RPTOR: variants seen among roughly 807,000 people sequenced by gnomAD.
RPTOR encodes the protein regulatory-associated protein of mTOR.
A neutral mutation model predicts 169.9 loss-of-function variants in RPTOR; 21 were observed. That is an observed-to-expected ratio of 0.12 (90% CI 0.09 to 0.18). The LOEUF is 0.18. Among genes scored for constraint, RPTOR ranks in the 10% least tolerant of loss-of-function variants. The pLI is 1.00. For missense variants in RPTOR, 1,133 were observed against 1,855.9 expected (o/e 0.61, Z 7.16); for synonymous variants, 732 against 753.2 (o/e 0.97, Z 0.46).
chr17:80,901,607 T>C (rs766754676), intron 20 of RPTOR, among the ~76,000 whole-genome samples: 14 of 152,190 alleles, frequency 9.2e-5, no homozygotes, highest in Non-Finnish European at 1.6e-4. Context: ...CAGAATCCCA[T>C]TGTGCACAGC....
intron 3 of RPTOR, among the ~76,000 whole-genome samples, chr17:80,705,051 C>T (rs139719463): frequency 9.4e-4 from 143 of 152,372 alleles, no homozygotes; most frequent in African/African-American, 3.2e-3. Flanking sequence ...TCCCAGGCCA[C>T]GCATCGACAC....
intron 6 of RPTOR, among the ~76,000 whole-genome samples, chr17:80,765,687 C>G (rs1215572334): frequency 6.6e-6 from 1 of 152,178 alleles, no homozygotes; most frequent in African/African-American, 2.4e-5. Flanking sequence ...TCCTGCCCAG[C>G]GTCTCTCATT....
chr17:80,711,292 A>G (rs1009194524), intron 4 of RPTOR, among the ~76,000 whole-genome samples: 1 of 152,068 alleles, frequency 6.6e-6, no homozygotes, highest in Non-Finnish European at 1.5e-5. Flanking sequence ...AGCTTTTACC[A>G]TTGTTGACCC....
chr17:80,833,896 G>A (rs1418186466), intron 9 of RPTOR, among the ~76,000 whole-genome samples: 1 of 152,210 alleles, frequency 6.6e-6, no homozygotes, highest in African/African-American at 2.4e-5. Context: ...GACCGAGGCA[G>A]GAGAATCACT....
chr17:80,641,579 A>G (rs972009920), intron 2 of RPTOR, among the ~76,000 whole-genome samples: 4 of 152,372 alleles, frequency 2.6e-5, no homozygotes, highest in Middle Eastern at 3.4e-3. Flanking sequence ...AGACGACTGC[A>G]ATAAGTGAGC....
chr17:80,872,815 G>T (rs1401514140), intron 13 of RPTOR, among the ~76,000 whole-genome samples: 3 of 152,194 alleles, frequency 2.0e-5, no homozygotes, highest in Admixed American at 1.3e-4. Flanking sequence ...GAGGTAGCAC[G>T]GCAGGCTGTG....
chr17:80,917,965 C>T (rs992580109), intron 21 of RPTOR, among the ~76,000 whole-genome samples: 3 of 152,204 alleles, frequency 2.0e-5, no homozygotes, highest in South Asian at 2.1e-4. Flanking sequence ...CCTCAGCAAG[C>T]GTTCACCTCA....
At chr17:80,655,963 A>T (rs921966401) in intron 3 of RPTOR, among the ~76,000 whole-genome samples, 2 of 152,072 alleles carry the variant, frequency 1.3e-5, no homozygotes, top group Non-Finnish European at 2.9e-5. Flanking sequence ...TGAACACGGA[A>T]GGGAGACATC....
chr17:80,611,453 G>C (rs1187843409), intron 1 of RPTOR, among the ~76,000 whole-genome samples: 1 of 152,086 alleles, frequency 6.6e-6, no homozygotes, highest in Non-Finnish European at 1.5e-5. Flanking sequence ...TTCTAGTAGA[G>C]AGGGGGTTTC....
Position 80,839,970 on chromosome 17 carries a change from A to G in RPTOR, c.1212+1973A>G, listed in dbSNP as rs149369417. Among the ~76,000 whole-genome samples the G allele has an allele frequency of 4.0e-3, 605 of 152,340 alleles. 3 individuals carry two copies. Among genetic ancestry groups the G allele is most frequent in the South Asian group, 0.015 (74 of 4,824 alleles). On this transcript the variant is annotated intron_variant, in intron 10 of 33. Transcript: ENST00000306801. ...TTCACCATGTTGGGGTGTCAGGACA[A>G]GCCGGGGATAACTGACGTGGACCAC...
chr17:80,732,287 C>T (rs1455839989), intron 5 of RPTOR, among the ~76,000 whole-genome samples: 2 of 152,190 alleles, frequency 1.3e-5, no homozygotes, highest in Non-Finnish European at 1.5e-5. Context: ...ACATCAGCCT[C>T]AGTTAATTAA....
chr17:80,847,927 G>A (rs1274190894), intron 11 of RPTOR, among the ~76,000 whole-genome samples: 1 of 152,202 alleles, frequency 6.6e-6, no homozygotes, highest in Non-Finnish European at 1.5e-5. Context: ...TCTCTGTCAC[G>A]GCCATGGCCT....
chr17:80,588,546 A>G (rs777435322), intron 1 of RPTOR, among the ~76,000 whole-genome samples: 12 of 152,192 alleles, frequency 7.9e-5, no homozygotes, highest in Non-Finnish European at 1.0e-4. Flanking sequence ...GGGTATGCAG[A>G]TGTGTCTTGA....
Position 80,960,066 on chromosome 17 carries a change from G to T in RPTOR, c.3478-12G>T, listed in dbSNP as rs750910484. The T allele has an allele frequency of 6.2e-7, 1 of 1,613,188 alleles. No individual in the cohort carries two copies. The highest frequency in any genetic ancestry group is 8.5e-7 in the Non-Finnish European group (1 of 1,179,716). On this transcript the variant is annotated splice_polypyrimidine_tract_variant and intron_variant, in intron 29 of 33. Transcript: ENST00000306801. This position sits in a 1 kb window ranked among gnomAD's most constrained non-coding sequence, Gnocchi z 4.8. Reference sequence around the variant, plus strand: ...CCCCGGTCTTCACCGGGCTGCCTGTGTTTGGCTCTAGGACATCCCTACGGG... The same window carrying T: ...CCCCGGTCTTCACCGGGCTGCCTGTTTTTGGCTCTAGGACATCCCTACGGG...
chr17:80,920,620 C>T (rs1035247784), intron 21 of RPTOR, among the ~76,000 whole-genome samples: 4 of 152,214 alleles, frequency 2.6e-5, no homozygotes, highest in African/African-American at 7.2e-5. Context: ...GGTGGCAAGG[C>T]GGGAGCTGCA....
intron 6 of RPTOR, among the ~76,000 whole-genome samples, chr17:80,789,752 A>C (rs551021069): frequency 2.8e-4 from 42 of 152,382 alleles, no homozygotes; most frequent in African/African-American, 1.0e-3. Context: ...TGATTCATGC[A>C]GAGTTACTCT....
chr17:80,727,339 A>T (rs528815809), intron 4 of RPTOR, among the ~76,000 whole-genome samples: 1 of 151,462 alleles, frequency 6.6e-6, no homozygotes, highest in Non-Finnish European at 1.5e-5. Flanking sequence ...ACCTCTGATC[A>T]TGTCACACTC....
At chr17:80,879,095 G>A (rs962892435) in intron 13 of RPTOR, among the ~76,000 whole-genome samples, 1 of 152,168 alleles carries the variant, frequency 6.6e-6, no homozygotes, top group Admixed American at 6.5e-5. Flanking sequence ...GCGCCCCGGA[G>A]CAGCCCTGCT....
intron 7 of RPTOR, among the ~76,000 whole-genome samples, chr17:80,817,745 T>C (rs1327440265): frequency 6.6e-6 from 1 of 152,118 alleles, no homozygotes; most frequent in African/African-American, 2.4e-5. Flanking sequence ...ACAGCAGCTC[T>C]TGTTGAGTGA....
Sources: gnomAD v4.1 joint callset for allele counts (sites outside exome capture counted in the v4.1 genomes callset) on GRCh38, gnomAD v4.1.1 for gene constraint, Gnocchi (gnomAD v3.1) non-coding constraint, MANE v1.5 for transcripts, NCBI Gene and HGNC (gene_info 2026-07-23, HGNC 2026-07-21) for gene names.